Variants in WDR7 observed in about 807,000 individuals in gnomAD.
WDR7 encodes WD repeat domain 7, also known as WD repeat-containing protein 7.
In WDR7, 46 loss-of-function variants were observed where a neutral mutation model predicts 169.4. The observed-to-expected ratio is 0.27, with a 90% CI of 0.21 to 0.35. The LOEUF is 0.35. Among genes scored for constraint, WDR7 ranks in the 10% least tolerant of loss-of-function variants. WDR7 has a pLI of 1.00. For synonymous variants in WDR7, 612 were observed against 666.8 expected, an observed-to-expected ratio of 0.92 and a Z score of 1.27; for missense variants, 1,534 against 1,859.3, an observed-to-expected ratio of 0.83 and a Z score of 3.22.
At chr18:56,777,748 G>A (rs1222752952) in intron 17 of WDR7, among the ~76,000 whole-genome samples, 1 of 152,180 alleles carries the variant, frequency 6.6e-6, no homozygotes, top group Non-Finnish European at 1.5e-5. Context: ...GAATCTTCCA[G>A]TGGCCATAAA....
At chr18:56,809,637 A>G (rs2044835326) in intron 19 of WDR7, among the ~76,000 whole-genome samples, 1 of 152,038 alleles carries the variant, frequency 6.6e-6, no homozygotes, top group Non-Finnish European at 1.5e-5. Context: ...TTGGTAGTGG[A>G]TAGTACACAA....
intron 14 of WDR7, among the ~76,000 whole-genome samples, chr18:56,732,480 G>C (rs192113684): frequency 5.8e-4 from 89 of 152,246 alleles, no homozygotes; most frequent in African/African-American, 1.9e-3. Context: ...TAGTAAAGGG[G>C]TTGAAAGGCT....
At chr18:56,881,015 T>C (rs1179995212) in intron 21 of WDR7, among the ~76,000 whole-genome samples, 1 of 152,162 alleles carries the variant, frequency 6.6e-6, no homozygotes, top group Non-Finnish European at 1.5e-5. Context: ...ATGCAATAGA[T>C]CCTTTTGCTT....
chr18:57,004,588 A>G (rs967544055), intron 26 of WDR7, among the ~76,000 whole-genome samples: 2 of 152,170 alleles, frequency 1.3e-5, no homozygotes, highest in Admixed American at 6.5e-5. Flanking sequence ...GCCCATGTGG[A>G]AACACTGCAA....
chr18:56,794,342 C>T (rs1364134828), intron 19 of WDR7, among the ~76,000 whole-genome samples: 1 of 35,354 alleles, frequency 2.8e-5, no homozygotes, highest in South Asian at 1.3e-3. Flanking sequence ...CAGAGTCTCA[C>T]TCTGTCGCCC....
intron 26 of WDR7, among the ~76,000 whole-genome samples, chr18:56,994,046 G>T (rs1295765167): frequency 5.7e-5 from 8 of 139,510 alleles, no homozygotes; most frequent in Non-Finnish European, 9.1e-5. Context: ...TTGAGACAGG[G>T]TCTCACTGTG....
At chr18:56,715,393 A>G (rs2026169319) in intron 12 of WDR7, among the ~76,000 whole-genome samples, 1 of 152,232 alleles carries the variant, frequency 6.6e-6, no homozygotes. Context: ...TTGGAAAGGA[A>G]TGACTAGAGT....
chr18:56,925,286 A>C (rs904580655), intron 22 of WDR7, among the ~76,000 whole-genome samples: 1 of 152,234 alleles, frequency 6.6e-6, no homozygotes, highest in African/African-American at 2.4e-5. Context: ...GTAGACATGT[A>C]GGAGTAGAAT....
chr18:56,724,737 G>C (rs550392303), intron 13 of WDR7, among the ~76,000 whole-genome samples: 1 of 151,796 alleles, frequency 6.6e-6, no homozygotes, highest in Non-Finnish European at 1.5e-5. Context: ...TGCCATGTTG[G>C]TGTGCTGCAC....
intron 14 of WDR7, among the ~76,000 whole-genome samples, chr18:56,746,546 C>T (rs894161040): frequency 2.0e-5 from 3 of 152,178 alleles, no homozygotes; most frequent in Non-Finnish European, 4.4e-5. Context: ...ACCTGGCTAA[C>T]TCCTACTCAT....
intron 25 of WDR7, among the ~76,000 whole-genome samples, chr18:56,957,823 T>A (rs144744610): frequency 6.6e-6 from 1 of 152,072 alleles, no homozygotes; most frequent in East Asian, 1.9e-4. Context: ...AATTGAAGAG[T>A]GTTTCTTGTT....
intron 14 of WDR7, 39 bp from the exon 15 acceptor site, chr18:56,756,544 C>G: frequency 6.8e-7 from 1 of 1,460,432 alleles, no homozygotes. Flanking sequence ...AAATTAAGCA[C>G]TTTTAATTAT....
In WDR7 at chr18:57,007,520, TTAA is replaced by T. The variant is rs1467691750; in HGVS notation, c.4165-13220_4165-13218del. Among the ~76,000 whole-genome samples the T allele has an allele frequency of 6.6e-5, 10 of 152,248 alleles. No individual in the cohort carries two copies. In the East Asian group the frequency reaches 1.9e-3, roughly 29 times the overall value. The stretch of plus-strand genomic sequence containing the variant: ...TTTTTGATTGCAGAAATTTGACTTT[TTAA>T]TAATTGATTTTCTGATCTCTGAGTC... On this transcript the variant is annotated intron_variant, in intron 26 of 27. Transcript: ENST00000254442.
chr18:56,829,120 CAAA>C (rs34184203), intron 20 of WDR7, among the ~76,000 whole-genome samples: 3 of 109,280 alleles, frequency 2.7e-5, no homozygotes, highest in African/African-American at 3.4e-5. Context: ...TTCACCTCTC[CAAA>C]AAAAAAAAAA....
At chr18:56,738,571 C>T (rs8088008) in intron 14 of WDR7, among the ~76,000 whole-genome samples, 5,314 of 152,114 alleles carry the variant, frequency 0.035, 320 homozygotes, top group African/African-American at 0.12. Flanking sequence ...CAAAAACAAA[C>T]AAACAAATTA....
At chr18:56,827,563 G>A (rs879646339) in intron 20 of WDR7, among the ~76,000 whole-genome samples, 14 of 152,078 alleles carry the variant, frequency 9.2e-5, no homozygotes, top group Non-Finnish European at 1.6e-4. Flanking sequence ...AGTCTGGGAA[G>A]GGTAGTGGGG....
At chr18:56,883,336 G>T (rs1169429943) in intron 21 of WDR7, among the ~76,000 whole-genome samples, 1 of 151,854 alleles carries the variant, frequency 6.6e-6, no homozygotes, top group African/African-American at 2.4e-5. Flanking sequence ...ATGTAAGAGA[G>T]TACTGTTGTC....
At chr18:56,684,459 G>A (rs1030754107) in intron 5 of WDR7, among the ~76,000 whole-genome samples, 2 of 152,198 alleles carry the variant, frequency 1.3e-5, no homozygotes, top group Admixed American at 1.3e-4. Context: ...GATTGAGCCT[G>A]GCTGTGTTGC....
At chr18:56,918,644 T>C (rs970129743) in intron 21 of WDR7, among the ~76,000 whole-genome samples, 9 of 152,150 alleles carry the variant, frequency 5.9e-5, no homozygotes, top group Non-Finnish European at 1.0e-4. Flanking sequence ...TTACATTGAA[T>C]AAATATAGCT....
Sources: gnomAD v4.1 joint callset for allele counts (sites outside exome capture counted in the v4.1 genomes callset) on GRCh38, gnomAD v4.1.1 for gene constraint, MANE v1.5 for transcripts, NCBI Gene and HGNC (gene_info 2026-07-23, HGNC 2026-07-21) for gene names.